The following PALD1 variants were observed in gnomAD, a reference collection of about 807,000 sequenced individuals.
PALD1 encodes the protein paladin.
In PALD1, 57 loss-of-function variants were observed where a neutral mutation model predicts 96.0. The ratio of observed to expected loss-of-function variants is 0.59; its 90% CI spans 0.48 to 0.74. The LOEUF is 0.74. PALD1 is among the 30% of genes least tolerant of loss of function. PALD1 has a pLI of 0.00. For synonymous variants in PALD1, 464 were observed against 473.6 expected (o/e 0.98, Z 0.26); for missense variants, 1,063 against 1,143.7 (o/e 0.93, Z 1.02).
intron 1 of PALD1, among the ~76,000 whole-genome samples, chr10:70,515,650 G>A (rs1360827652): frequency 6.6e-6 from 1 of 152,194 alleles, no homozygotes; most frequent in Non-Finnish European, 1.5e-5. Flanking sequence ...TCGCTGTGCT[G>A]TGTGTCGGGC....
At chr10:70,500,206 C>G (rs925349208) in intron 1 of PALD1, among the ~76,000 whole-genome samples, 3 of 152,254 alleles carry the variant, frequency 2.0e-5, no homozygotes, top group Non-Finnish European at 1.5e-5. Context: ...GAACTTCTTT[C>G]TTAGTTTGGG....
In PALD1 at chr10:70,541,537, G is replaced by A; in HGVS notation, c.2121+3G>A. 6.2e-7 allele frequency: 1 copy of A among 1,610,686 alleles called. No homozygotes were observed. The highest frequency in any genetic ancestry group is 8.5e-7 in the Non-Finnish European group (1 of 1,177,658). ...AGTTCACTAAGGGTGAATTTCAGGT[G>A]AGCATGCCCTGCGGGGTCCCTGAGG... On this transcript the variant is annotated splice_donor_region_variant and intron_variant, in intron 17 of 19. Coordinates refer to ENST00000263563, the MANE Select transcript of PALD1 (RefSeq NM_014431.3).
chr10:70,460,382 C>T, the PALD1 span, among the ~76,000 whole-genome samples: 3 of 152,322 alleles, frequency 2.0e-5, no homozygotes, highest in Non-Finnish European at 2.9e-5. Flanking sequence ...ACCGGCCTAC[C>T]GTGCGTCTCC....
At chr10:70,478,481 G>A (rs1312206778), upstream of PALD1, among the ~76,000 whole-genome samples, 1 of 152,216 alleles carries the variant, frequency 6.6e-6, no homozygotes, top group Non-Finnish European at 1.5e-5. Flanking sequence ...CTGGATGTCG[G>A]GTTTGGGTGT....
chr10:70,495,324 G>A (rs1364926329), intron 1 of PALD1, among the ~76,000 whole-genome samples: 1 of 152,122 alleles, frequency 6.6e-6, no homozygotes, highest in Non-Finnish European at 1.5e-5. Flanking sequence ...GTGTTCCCTG[G>A]TGGACTCCCT....
At chr10:70,554,972 C>A (rs1589217921) in intron 18 of PALD1, among the ~76,000 whole-genome samples, 5 of 16,036 alleles carry the variant, frequency 3.1e-4, no homozygotes, top group East Asian at 1.2e-3. Context: ...CCTCCCCCTC[C>A]TCCCCTCCCC....
At chr10:70,467,338 G>A in the PALD1 span, among the ~76,000 whole-genome samples, 1 of 151,284 alleles carries the variant, frequency 6.6e-6, no homozygotes, top group Non-Finnish European at 1.5e-5. Flanking sequence ...GTATGAGATG[G>A]TGTTTCTCAA....
chr10:70,505,746 T>G (rs1024563960), intron 1 of PALD1, among the ~76,000 whole-genome samples: 2 of 152,188 alleles, frequency 1.3e-5, no homozygotes, highest in Non-Finnish European at 2.9e-5. Flanking sequence ...CCCGGCCAGG[T>G]GCAGTGGCTC....
chr10:70,501,813 C>CTGTGTGTGTGTGTGTGTGTG (rs71012209), intron 1 of PALD1, among the ~76,000 whole-genome samples: 5,403 of 139,182 alleles, frequency 0.039, 121 homozygotes, highest in Middle Eastern at 0.074. Flanking sequence ...CATTTTTACT[C>CTGTGTGTGTGTGTGTGTGTG]TGTGTGTGTG....
chr10:70,508,508 G>A (rs1384213076), intron 1 of PALD1, among the ~76,000 whole-genome samples: 1 of 152,156 alleles, frequency 6.6e-6, no homozygotes, highest in Non-Finnish European at 1.5e-5. Flanking sequence ...GCTTAAGGTA[G>A]AATCTGCCTC....
At chr10:70,543,336 C>CT in intron 17 of PALD1, among the ~76,000 whole-genome samples, 1 of 152,110 alleles carries the variant, frequency 6.6e-6, no homozygotes, top group Non-Finnish European at 1.5e-5. Context: ...TGTGGGCTGA[C>CT]TTTTTACTCA....
chr10:70,510,395 T>C (rs1233229593), intron 1 of PALD1, among the ~76,000 whole-genome samples: 1 of 152,128 alleles, frequency 6.6e-6, no homozygotes, highest in Non-Finnish European at 1.5e-5. Context: ...TCTGCTGACC[T>C]TGAAATGTCC....
In PALD1 at chr10:70,532,821, C is replaced by T. The variant is rs751826004; in HGVS notation, c.794+40C>T. ...CCCCCAGCCCTGGCCATGGGTGCTCCAGGTCCTGCTCTCCAGCTGCAGCCT... is the reference window on the plus strand; with the variant it reads ...CCCCCAGCCCTGGCCATGGGTGCTCTAGGTCCTGCTCTCCAGCTGCAGCCT... On this transcript the variant is annotated intron_variant, in intron 6 of 19. Transcript: ENST00000263563. 5.0e-6 allele frequency: 8 copies of T among 1,606,076 alleles called. No individual in the cohort carries two copies. In the East Asian group the frequency reaches 1.6e-4, roughly 31 times the overall value.
chr10:70,518,161 CA>C lies in PALD1; in HGVS notation c.-29-7759del, dbSNP rs1487396817. On this transcript the variant is annotated intron_variant, in intron 1 of 19. Coordinates refer to ENST00000263563, the MANE Select transcript of PALD1 (RefSeq NM_014431.3). ...CAGGTGATCCGCCCGCCTCGGCCTC[CA>C]AAGTGCTGGGATTACAGGCGAGAGC... Among the ~76,000 whole-genome samples, 7 of 152,300 alleles carry C rather than the reference CA, an allele frequency of 4.6e-5. No individual in the cohort carries two copies. In the East Asian group the frequency reaches 1.4e-3, roughly 29 times the overall value.
chr10:70,538,133 G>A (rs555831296), intron 11 of PALD1, 147 bp from the exon 12 acceptor site: 15 of 870,418 alleles, frequency 1.7e-5, no homozygotes, highest in South Asian at 1.5e-4. Flanking sequence ...GACACCAGAC[G>A]TCCAGGTCTT....
At chr10:70,473,206 T>C in the PALD1 span, among the ~76,000 whole-genome samples, 1 of 152,176 alleles carries the variant, frequency 6.6e-6, no homozygotes. Context: ...CCACCAATCG[T>C]GCTTCCCCAG....
chr10:70,539,818 TC>T lies in PALD1; in HGVS notation c.1908+60del. On this transcript the variant is annotated intron_variant, in intron 15 of 19. Transcript: ENST00000263563. The surrounding 1 kb of genome is among the most constrained non-coding windows in gnomAD (Gnocchi z 4.5). ...GGGAGGGACAGGAGGCCTCCCTGTC[TC>T]CCCTCTGGTCTGGGCTCTGGGAGAA... The T allele has an allele frequency of 2.1e-6, 3 of 1,431,112 alleles. No individual in the cohort carries two copies. Among genetic ancestry groups the T allele is most frequent in the South Asian group, 1.2e-5 (1 of 83,092 alleles). 88.7% of individuals were successfully genotyped at this position (1,431,112 alleles called of 1,614,324 possible).
chr10:70,482,679 A>G (rs1354195843), intron 1 of PALD1, among the ~76,000 whole-genome samples: 2 of 152,118 alleles, frequency 1.3e-5, no homozygotes, highest in East Asian at 1.9e-4. Context: ...CTGGAAAGAA[A>G]CTACCAGGGT....
chr10:70,531,262 G>A (rs773609721), intron 4 of PALD1, 28 bp from the exon 5 acceptor site: 1 of 1,599,190 alleles, frequency 6.3e-7, no homozygotes, highest in Non-Finnish European at 8.6e-7. Flanking sequence ...CATGATGATG[G>A]CTTCCTTCCC....
Sources: gnomAD v4.1 joint callset for allele counts (sites outside exome capture counted in the v4.1 genomes callset) on GRCh38, gnomAD v4.1.1 for gene constraint, Gnocchi (gnomAD v3.1) non-coding constraint, MANE v1.5 for transcripts, NCBI Gene and HGNC (gene_info 2026-07-23, HGNC 2026-07-21) for gene names.